The following PPP3CC variants were observed in gnomAD, a reference collection of about 807,000 sequenced individuals.
PPP3CC encodes the protein serine/threonine-protein phosphatase 2B catalytic subunit gamma isoform.
Under a neutral mutation model 60.3 loss-of-function variants are expected in PPP3CC, and 35 were observed. The observed-to-expected ratio is 0.58, with a 90% CI of 0.44 to 0.77. The LOEUF is 0.77. PPP3CC is among the 30% of genes least tolerant of loss of function. The pLI, the probability that PPP3CC is intolerant of heterozygous loss-of-function variation, is 0.00. For missense variants in PPP3CC, 570 were observed against 628.9 expected (o/e 0.91, Z 1.00); for synonymous variants, 206 against 224.3 (o/e 0.92, Z 0.73).
Position 22,512,140 on chromosome 8 carries a change from T to G in PPP3CC, c.630+909T>G, listed in dbSNP as rs141454158. On this transcript the variant is annotated intron_variant, in intron 5 of 13. Coordinates refer to ENST00000240139, the MANE Select transcript of PPP3CC (RefSeq NM_005605.5). ...GTCTCTCTGTCTTTTTTAATCAAAGTGATAGATACTCATCCTCTCTTACAG... is the reference window on the plus strand; with the variant it reads ...GTCTCTCTGTCTTTTTTAATCAAAGGGATAGATACTCATCCTCTCTTACAG... Among the ~76,000 whole-genome samples, 129 of 152,272 alleles carry G rather than the reference T, an allele frequency of 8.5e-4. 2 individuals carry two copies. In the East Asian group the frequency reaches 0.018, roughly 21 times the overall value.
At chr8:22,514,201 T>A (rs1308311455) in intron 6 of PPP3CC, among the ~76,000 whole-genome samples, 3 of 141,074 alleles carry the variant, frequency 2.1e-5, no homozygotes, top group African/African-American at 5.4e-5. Flanking sequence ...TGAGCCAAGA[T>A]TGTGCCACTA....
At chr8:22,496,752 C>A (rs753783760) in intron 3 of PPP3CC, among the ~76,000 whole-genome samples, 2 of 151,916 alleles carry the variant, frequency 1.3e-5, no homozygotes, top group African/African-American at 2.4e-5. Flanking sequence ...CTGCCTCGGC[C>A]TCCCCAAGTG....
chr8:22,535,555 G>A (rs190098821), intron 12 of PPP3CC, among the ~76,000 whole-genome samples: 12 of 151,918 alleles, frequency 7.9e-5, no homozygotes, highest in Admixed American at 3.3e-4. Flanking sequence ...TAATGGCTAG[G>A]TACTGTCATA....
At chr8:22,503,176 G>A (rs1308198937) in intron 4 of PPP3CC, among the ~76,000 whole-genome samples, 1 of 152,146 alleles carries the variant, frequency 6.6e-6, no homozygotes, top group African/African-American at 2.4e-5. Context: ...GTTCAGCTGT[G>A]TGCTGCTGGT....
At chr8:22,480,600 T>TC (rs1206710908) in intron 3 of PPP3CC, among the ~76,000 whole-genome samples, 1 of 152,164 alleles carries the variant, frequency 6.6e-6, no homozygotes, top group Non-Finnish European at 1.5e-5. Context: ...TGCCTCAGCC[T>TC]CCCAAGTAGC....
At chr8:22,488,568 A>G (rs563010755) in intron 3 of PPP3CC, among the ~76,000 whole-genome samples, 4 of 152,374 alleles carry the variant, frequency 2.6e-5, no homozygotes, top group Admixed American at 6.5e-5. Flanking sequence ...CAGATTGTCA[A>G]CAGTGCCTGT....
At chr8:22,481,967 C>T (rs1838083230) in intron 3 of PPP3CC, among the ~76,000 whole-genome samples, 1 of 152,124 alleles carries the variant, frequency 6.6e-6, no homozygotes, top group African/African-American at 2.4e-5. Flanking sequence ...CAAGTCTTTA[C>T]TATTGTGAAT....
At chr8:22,454,048 A>G (rs953616892) in intron 1 of PPP3CC, among the ~76,000 whole-genome samples, 4 of 152,196 alleles carry the variant, frequency 2.6e-5, no homozygotes, top group Non-Finnish European at 5.9e-5. Flanking sequence ...TTTTTCTTCA[A>G]TAGTAAATTA....
At chr8:22,496,313 G>A (rs1452801357) in intron 3 of PPP3CC, among the ~76,000 whole-genome samples, 1 of 151,296 alleles carries the variant, frequency 6.6e-6, no homozygotes, top group African/African-American at 2.4e-5. Flanking sequence ...CATCTGGTAG[G>A]GATAGTCTGC....
intron 5 of PPP3CC, among the ~76,000 whole-genome samples, chr8:22,512,958 C>T (rs1367231485): frequency 6.6e-6 from 1 of 152,010 alleles, no homozygotes; most frequent in East Asian, 1.9e-4. Flanking sequence ...TGCCTGTAAT[C>T]CCAGCTACTA....
rs1359286165 is a variant in PPP3CC at position 22,471,982 on chromosome 8, C to T, written c.50-2972C>T. On this transcript the variant is annotated intron_variant, in intron 1 of 13. Transcript: ENST00000240139. Reference sequence around the variant, plus strand: ...TCTCTACAAAAAATACAAAAATTAGCCAGGCATGGTGGCGCACACCTGTAG... The same window carrying T: ...TCTCTACAAAAAATACAAAAATTAGTCAGGCATGGTGGCGCACACCTGTAG... Among the ~76,000 whole-genome samples, 4 of 151,878 alleles carry T rather than the reference C, an allele frequency of 2.6e-5. No individual in the cohort carries two copies. The East Asian group carries it at 7.7e-4, about 29-fold the overall frequency.
At chr8:22,501,856 A>G (rs1389169329) in intron 4 of PPP3CC, among the ~76,000 whole-genome samples, 1 of 152,156 alleles carries the variant, frequency 6.6e-6, no homozygotes, top group African/African-American at 2.4e-5. Context: ...TGCCAAAAAG[A>G]AAATTAAAAA....
chr8:22,540,701 C>G lies in PPP3CC; in HGVS notation c.1438C>G (p.Arg480Gly). Residue 480 changes from arginine (R) to glycine (G), a missense_variant, in exon 14 of 14, where the codon CGA (arginine) becomes GGA (glycine). Coordinates refer to ENST00000240139, the MANE Select transcript of PPP3CC (RefSeq NM_005605.5). ...CCGAATTAATGAGCGAATGCCACCCCGAAAGGATAGCATACACGCTGGTGG... is the reference window on the plus strand; with the variant it reads ...CCGAATTAATGAGCGAATGCCACCCGGAAAGGATAGCATACACGCTGGTGG... ...LDRINERMPP[R>G]KDSIHAGGPM... 2 of 1,614,082 alleles carry G rather than the reference C, an allele frequency of 1.2e-6. No individual in the cohort carries two copies. Among genetic ancestry groups the G allele is most frequent in the South Asian group, 1.1e-5 (1 of 91,080 alleles).
At chr8:22,504,666 A>G (rs1838858530) in intron 4 of PPP3CC, among the ~76,000 whole-genome samples, 1 of 152,020 alleles carries the variant, frequency 6.6e-6, no homozygotes, top group Admixed American at 6.6e-5. Context: ...TGTACTTAGA[A>G]AGCAAGAAAC....
intron 6 of PPP3CC, among the ~76,000 whole-genome samples, chr8:22,520,520 C>A (rs897483912): frequency 1.6e-4 from 24 of 151,764 alleles, no homozygotes; most frequent in African/African-American, 5.6e-4. Flanking sequence ...TTCTTTTTGT[C>A]CCTCTAATGC....
chr8:22,511,742 T>C (rs1387871564), intron 5 of PPP3CC, among the ~76,000 whole-genome samples: 1 of 152,256 alleles, frequency 6.6e-6, no homozygotes, highest in East Asian at 1.9e-4. Flanking sequence ...AGCTCTATGT[T>C]TTTACCAACT....
At chr8:22,461,439 C>T (rs1465407079) in intron 1 of PPP3CC, among the ~76,000 whole-genome samples, 3 of 151,704 alleles carry the variant, frequency 2.0e-5, no homozygotes, top group Admixed American at 1.3e-4. Context: ...TACTGTTGGT[C>T]GATTAATTTA....
chr8:22,470,592 T>C (rs904748305), intron 1 of PPP3CC, among the ~76,000 whole-genome samples: 4 of 152,168 alleles, frequency 2.6e-5, no homozygotes, highest in East Asian at 1.9e-4. Flanking sequence ...ATGTTTTAAA[T>C]GGACAAAAGA....
At chr8:22,448,386 T>TG (rs1836899649) in intron 1 of PPP3CC, among the ~76,000 whole-genome samples, 1 of 151,032 alleles carries the variant, frequency 6.6e-6, no homozygotes, top group African/African-American at 2.4e-5. Context: ...TTTTTGTTTT[T>TG]TTTTTTTTTT....
Sources: gnomAD v4.1 joint callset for allele counts (sites outside exome capture counted in the v4.1 genomes callset) on GRCh38, gnomAD v4.1.1 for gene constraint, MANE v1.5 for transcripts, NCBI Gene and HGNC (gene_info 2026-07-23, HGNC 2026-07-21) for gene names.